GABBR2: variants seen among roughly 807,000 people sequenced by gnomAD.
GABBR2 encodes the protein gamma-aminobutyric acid type B receptor subunit 2, also known as G-protein coupled receptor 51.
In GABBR2, 23 loss-of-function variants were observed where a neutral mutation model predicts 105.6. The ratio of observed to expected loss-of-function variants is 0.22; its 90% CI spans 0.16 to 0.31. The LOEUF (loss-of-function observed/expected upper bound fraction) is 0.31. GABBR2 is among the 10% of genes least tolerant of loss of function. GABBR2 has a pLI of 1.00. For missense variants in GABBR2, 734 were observed against 1,245.5 expected, an observed-to-expected ratio of 0.59 and a Z score of 6.18; for synonymous variants, 478 against 499.7, an observed-to-expected ratio of 0.96 and a Z score of 0.58.
intron 1 of GABBR2, among the ~76,000 whole-genome samples, chr9:98,601,826 G>A (rs571294598): frequency 5.7e-4 from 86 of 152,170 alleles, no homozygotes; most frequent in Non-Finnish European, 9.8e-4. Flanking sequence ...TGACTTTCAG[G>A]TGGGCACTGC....
chr9:98,618,546 T>G (rs1829623291), intron 1 of GABBR2, among the ~76,000 whole-genome samples: 1 of 149,132 alleles, frequency 6.7e-6, no homozygotes, highest in Non-Finnish European at 1.5e-5. Flanking sequence ...TTCTGTCTCT[T>G]TCTCTGAATA....
rs527333574 is a variant in GABBR2, at chr9:98,651,079, T to C, written c.321+57338A>G. On this transcript the variant is annotated intron_variant, in intron 1 of 18. Coordinates refer to ENST00000259455, the MANE Select transcript of GABBR2 (RefSeq NM_005458.8). ...AAAATGGTTAAAATTGTAAATTTTATGTTATGTATATTTTATCAAGATTAT... is the reference window on the plus strand; with the variant it reads ...AAAATGGTTAAAATTGTAAATTTTACGTTATGTATATTTTATCAAGATTAT... Among the ~76,000 whole-genome samples the C allele has an allele frequency of 2.0e-5, 3 of 152,104 alleles. No homozygotes were observed. The East Asian group carries it at 5.8e-4, about 29-fold the overall frequency.
In GABBR2 at chr9:98,480,921, G is replaced by GTCC; in HGVS notation, c.798+10_798+11insGGA. ...CCCCAAAGACACGAATGATACAACT[G>GTCC]TTTTACTTACACAACAGAACACTTT... On this transcript the variant is annotated intron_variant, in intron 5 of 18. Transcript: ENST00000259455. 6.5e-7 allele frequency: 1 copy of GTCC among 1,531,852 alleles called. No homozygotes were observed. The highest frequency in any genetic ancestry group is 9.1e-7 in the Non-Finnish European group (1 of 1,104,870). 94.9% of individuals were successfully genotyped at this position (1,531,852 alleles called of 1,614,324 possible). A position where few individuals can be genotyped will look rare whatever the true frequency, so the allele number is the denominator to read the frequency against.
chr9:98,699,932 T>C (rs1830807439), intron 1 of GABBR2, among the ~76,000 whole-genome samples: 1 of 152,204 alleles, frequency 6.6e-6, no homozygotes, highest in Admixed American at 6.5e-5. Flanking sequence ...TGCCATTTAA[T>C]TTCCTCACCT....
chr9:98,684,797 T>G (rs1355236251), intron 1 of GABBR2, among the ~76,000 whole-genome samples: 1 of 152,220 alleles, frequency 6.6e-6, no homozygotes, highest in African/African-American at 2.4e-5. Flanking sequence ...ATTACGGATC[T>G]GTATTTCGTC....
intron 1 of GABBR2, among the ~76,000 whole-genome samples, chr9:98,610,637 A>T (rs1829492139): frequency 6.6e-6 from 1 of 152,096 alleles, no homozygotes; most frequent in Non-Finnish European, 1.5e-5. Context: ...AGAGATTGGA[A>T]CCCTGCAGAC....
Position 98,514,297 on chromosome 9 carries a change from T to C in GABBR2, c.631-17783A>G, listed in dbSNP as rs1303575054. Among the ~76,000 whole-genome samples, 3 of 133,744 alleles carry C rather than the reference T, an allele frequency of 2.2e-5. 1 individual carries two copies. Among genetic ancestry groups the C allele is most frequent in the African/African-American group, 7.9e-5 (3 of 38,006 alleles). 87.7% of individuals were successfully genotyped at this position (133,744 alleles called of 152,430 possible). On this transcript the variant is annotated intron_variant, in intron 3 of 18. Coordinates refer to ENST00000259455, the MANE Select transcript of GABBR2 (RefSeq NM_005458.8). ...GAGGGATAGCATTGGGAGATATACC[T>C]AATGCTAGATGACGAGTTAGTGGGT... is the stretch of plus-strand genomic sequence containing the variant.
intron 4 of GABBR2, among the ~76,000 whole-genome samples, chr9:98,489,911 G>A (rs1827140717): frequency 6.6e-6 from 1 of 152,298 alleles, no homozygotes; most frequent in Non-Finnish European, 1.5e-5. Flanking sequence ...TGGCCAACAT[G>A]GTAAAACACC....
chr9:98,440,914 C>G (rs1404392057), intron 7 of GABBR2, among the ~76,000 whole-genome samples: 2 of 152,144 alleles, frequency 1.3e-5, no homozygotes, highest in Non-Finnish European at 2.9e-5. Flanking sequence ...GCTAACATAC[C>G]TTGACACACA....
At chr9:98,660,832 C>T (rs1830249565) in intron 1 of GABBR2, among the ~76,000 whole-genome samples, 1 of 152,214 alleles carries the variant, frequency 6.6e-6, no homozygotes, top group African/African-American at 2.4e-5. Flanking sequence ...CTCTGACCTC[C>T]TGCCTCCTTC....
At chr9:98,516,630 C>A (rs1827761363) in intron 3 of GABBR2, among the ~76,000 whole-genome samples, 1 of 152,162 alleles carries the variant, frequency 6.6e-6, no homozygotes, top group African/African-American at 2.4e-5. Context: ...CCAAGACAGG[C>A]GCTGCTCCCA....
chr9:98,387,727 G>A (rs1832099168), intron 10 of GABBR2, among the ~76,000 whole-genome samples: 1 of 151,820 alleles, frequency 6.6e-6, no homozygotes, highest in African/African-American at 2.4e-5. Context: ...AGGAGTTTGA[G>A]AAAAGCCTAG....
chr9:98,475,124 G>A (rs2131633652), intron 5 of GABBR2, among the ~76,000 whole-genome samples: 1 of 152,172 alleles, frequency 6.6e-6, no homozygotes, highest in South Asian at 2.1e-4. Context: ...GATGATACAG[G>A]ACCTTCGCTT....
chr9:98,523,796 G>C (rs1455235019), intron 3 of GABBR2, among the ~76,000 whole-genome samples: 1 of 152,160 alleles, frequency 6.6e-6, no homozygotes, highest in African/African-American at 2.4e-5. Flanking sequence ...TTTTAGAGAG[G>C]GGTGGTACTT....
At chr9:98,412,575 A>C (rs1055148561) in intron 7 of GABBR2, among the ~76,000 whole-genome samples, 4 of 152,158 alleles carry the variant, frequency 2.6e-5, no homozygotes, top group Admixed American at 1.3e-4. Context: ...CAGAAGCCAA[A>C]GTTTTTCTCT....
intron 8 of GABBR2, among the ~76,000 whole-genome samples, chr9:98,396,767 G>A (rs1189244783): frequency 6.6e-6 from 1 of 152,112 alleles, no homozygotes; most frequent in Non-Finnish European, 1.5e-5. Context: ...CAAGAGTGGG[G>A]AATGGTGTGG....
At position 98,290,760 on chromosome 9, in the gene GABBR2, GGA is replaced by G. The variant is rs746972604; in HGVS notation, c.2661-13_2661-12del. 1 of 1,465,264 alleles carries G rather than the reference GGA, an allele frequency of 6.8e-7. No individual in the cohort carries two copies. Among genetic ancestry groups the G allele is most frequent in the Non-Finnish European group, 9.0e-7 (1 of 1,117,272 alleles). 90.8% of individuals were successfully genotyped at this position (1,465,264 alleles called of 1,614,324 possible). A position where few individuals can be genotyped will look rare whatever the true frequency, so the allele number is the denominator to read the frequency against. On this transcript the variant is annotated splice_polypyrimidine_tract_variant and intron_variant, in intron 18 of 18. Transcript: ENST00000259455. The stretch of plus-strand genomic sequence containing the variant: ...AGCCGACGCTGGATGCTGAAGAGAA[GGA>G]GAGGGAGGAGTGTTAGTGAAGGGTA...
At chr9:98,309,263 A>G (rs900047600) in intron 14 of GABBR2, among the ~76,000 whole-genome samples, 6 of 152,208 alleles carry the variant, frequency 3.9e-5, no homozygotes, top group Non-Finnish European at 5.9e-5. Flanking sequence ...ACCACTTTGG[A>G]AGTAGGTGGG....
At chr9:98,529,047 G>A (rs765430995) in intron 3 of GABBR2, among the ~76,000 whole-genome samples, 3 of 151,956 alleles carry the variant, frequency 2.0e-5, no homozygotes, top group Non-Finnish European at 4.4e-5. Context: ...GATGGCATAC[G>A]CACAGGGTAG....
Sources: allele counts gnomAD v4.1 joint callset (sites outside exome capture counted in the v4.1 genomes callset), GRCh38; gene constraint gnomAD v4.1.1; transcripts MANE v1.5; gene names NCBI Gene and HGNC (gene_info 2026-07-23, HGNC 2026-07-21).